Variants in SYT14 observed in about 807,000 individuals in gnomAD.
The protein encoded by SYT14 is synaptotagmin 14.
SYT14 carries 32 observed loss-of-function variants against 74.2 expected under a neutral mutation model. The observed-to-expected ratio is 0.43, with a 90% CI of 0.33 to 0.58. SYT14 has a LOEUF of 0.58. SYT14 is among the 20% of genes least tolerant of loss of function. SYT14 has a pLI of 0.05. For missense variants in SYT14, 791 were observed against 981.8 expected (o/e 0.81, Z 2.60); for synonymous variants, 298 against 337.7 (o/e 0.88, Z 1.29).
intron 7 of SYT14, among the ~76,000 whole-genome samples, chr1:210,152,624 A>G (rs2083188323): frequency 6.6e-6 from 1 of 152,178 alleles, no homozygotes; most frequent in Non-Finnish European, 1.5e-5. Flanking sequence ...CATTTATCAC[A>G]AAGCAAAACC....
Position 210,100,438 on chromosome 1 carries a change from T to C in SYT14, c.2011T>C (p.Leu671=), listed in dbSNP as rs201225342. The change falls in exon 7 of 10, where the codon TTG becomes CTG. Residue 671 remains leucine, a synonymous_variant. Coordinates refer to ENST00000637265, the Ensembl canonical transcript of SYT14. ...AGGGAAAATGTCATTGCCTGTGATA[T>C]TGGAACCTTCTTACAATCATTCTGT... The C allele has an allele frequency of 1.3e-5, 21 of 1,613,244 alleles. No homozygotes were observed. The Admixed American group carries it at 1.5e-4, about 12-fold the overall frequency.
chr1:209,961,560 A>G (rs1223052174), intron 2 of SYT14, among the ~76,000 whole-genome samples: 4 of 152,110 alleles, frequency 2.6e-5, no homozygotes, highest in African/African-American at 7.2e-5. Context: ...GACATTATTA[A>G]GGCTTATCTG....
chr1:210,079,397 T>A (rs1447107887), intron 5 of SYT14, among the ~76,000 whole-genome samples: 2 of 152,070 alleles, frequency 1.3e-5, no homozygotes, highest in African/African-American at 2.4e-5. Context: ...TTAAAAAAAA[T>A]TCTACCTAAT....
intron 2 of SYT14, among the ~76,000 whole-genome samples, chr1:209,994,044 T>TC (rs2079742297): frequency 6.6e-6 from 1 of 152,058 alleles, no homozygotes; most frequent in South Asian, 2.1e-4. Flanking sequence ...ACACCAACCC[T>TC]CCAAGATGAG....
At chr1:210,095,874 C>T in intron 6 of SYT14, among the ~76,000 whole-genome samples, 1 of 151,798 alleles carries the variant, frequency 6.6e-6, no homozygotes, top group East Asian at 1.9e-4. Context: ...TATGATTTTT[C>T]ATGATGAATG....
intron 2 of SYT14, among the ~76,000 whole-genome samples, chr1:209,981,257 G>T (rs554177855): frequency 1.3e-5 from 2 of 152,118 alleles, no homozygotes; most frequent in African/African-American, 4.8e-5. Flanking sequence ...AGCAGGTATT[G>T]TTCTTTCATT....
At chr1:210,073,918 G>T (rs1262238145) in intron 5 of SYT14, among the ~76,000 whole-genome samples, 8 of 104,192 alleles carry the variant, frequency 7.7e-5, no homozygotes, top group African/African-American at 1.2e-4. Context: ...CTTTAATTTG[G>T]TATATCAAGA....
At chr1:210,004,424 T>G (rs2079954134) in intron 2 of SYT14, among the ~76,000 whole-genome samples, 1 of 152,056 alleles carries the variant, frequency 6.6e-6, no homozygotes, top group Admixed American at 6.6e-5. Flanking sequence ...AATACCTAAC[T>G]AAGATGGATA....
At chr1:210,024,669 A>T (rs1294775789) in intron 5 of SYT14, among the ~76,000 whole-genome samples, 1 of 152,174 alleles carries the variant, frequency 6.6e-6, no homozygotes, top group Non-Finnish European at 1.5e-5. Context: ...TTCAGATCGT[A>T]TATGCTTAGA....
chr1:210,118,940 A>G (rs1221091663), intron 7 of SYT14, among the ~76,000 whole-genome samples: 1 of 152,210 alleles, frequency 6.6e-6, no homozygotes, highest in Non-Finnish European at 1.5e-5. Context: ...AATCTAAAAT[A>G]ACAATAAAGT....
exon 10 of SYT14, chr1:210,164,175 CA>C (rs1352186560): frequency 2.7e-6 from 1 of 374,424 alleles, no homozygotes; most frequent in African/African-American, 2.1e-5. Flanking sequence ...CTTGTGTCTT[CA>C]GTACAATCCA....
intron 7 of SYT14, among the ~76,000 whole-genome samples, chr1:210,121,780 C>G (rs1004609746): frequency 4.1e-5 from 6 of 145,752 alleles, no homozygotes; most frequent in Non-Finnish European, 9.0e-5. Flanking sequence ...GGCGACAGAG[C>G]GAGACCCCAT....
At chr1:210,000,468 A>G (rs1334575) in intron 2 of SYT14, among the ~76,000 whole-genome samples, 2,701 of 79,344 alleles carry the variant, frequency 0.034, 28 homozygotes, top group South Asian at 0.051. Flanking sequence ...CCTCATACGC[A>G]CACACACACA....
intron 7 of SYT14, among the ~76,000 whole-genome samples, chr1:210,107,758 TGA>T: frequency 6.6e-6 from 1 of 152,346 alleles, no homozygotes; most frequent in East Asian, 1.9e-4. Context: ...AGCTATAGTT[TGA>T]TCCTATTTTT....
chr1:210,142,358 C>T (rs906658914), intron 7 of SYT14, among the ~76,000 whole-genome samples: 2 of 152,184 alleles, frequency 1.3e-5, no homozygotes, highest in East Asian at 3.8e-4. Context: ...TGGAGTGTTG[C>T]AGGCCTTTAG....
intron 7 of SYT14, among the ~76,000 whole-genome samples, chr1:210,128,582 A>G (rs757280501): frequency 2.0e-5 from 3 of 152,236 alleles, no homozygotes; most frequent in African/African-American, 7.2e-5. Context: ...TTAAAAATCA[A>G]TATTTAAAAT....
chr1:209,938,801 C>A (rs1488558536), intron 1 of SYT14, among the ~76,000 whole-genome samples: 42 of 152,104 alleles, frequency 2.8e-4, no homozygotes, highest in Admixed American at 2.7e-3. Context: ...CTGGGTTACA[C>A]TCTCTGCCCG....
chr1:209,975,822 T>C (rs1309823309), intron 2 of SYT14, among the ~76,000 whole-genome samples: 1 of 152,212 alleles, frequency 6.6e-6, no homozygotes, highest in Non-Finnish European at 1.5e-5. Flanking sequence ...CAGCTGTGAA[T>C]CCATCTGATC....
chr1:209,977,241 CT>C (rs1389139863), intron 2 of SYT14, among the ~76,000 whole-genome samples: 3 of 152,070 alleles, frequency 2.0e-5, no homozygotes, highest in Non-Finnish European at 4.4e-5. Flanking sequence ...GAATTTGATC[CT>C]GTCATTATGA....
Sources: allele counts gnomAD v4.1 joint callset (sites outside exome capture counted in the v4.1 genomes callset), GRCh38; gene constraint gnomAD v4.1.1; transcripts MANE v1.5; gene names NCBI Gene and HGNC (gene_info 2026-07-23, HGNC 2026-07-21).